Variants in COMMD10 observed in about 807,000 individuals in gnomAD.
COMMD10 encodes COMM domain containing 10.
COMMD10 carries 33 observed loss-of-function variants against 28.9 expected under a neutral mutation model. The observed-to-expected ratio is 1.14, with a 90% CI of 0.87 to 1.53. COMMD10 has a LOEUF of 1.53. Ranked by LOEUF, COMMD10 falls within the 40% of genes most tolerant of loss-of-function variation. The pLI is 0.00. For synonymous variants in COMMD10, 110 were observed against 81.7 expected, an observed-to-expected ratio of 1.35 and a Z score of -1.87; for missense variants, 310 against 233.4, an observed-to-expected ratio of 1.33 and a Z score of -2.14.
chr5:116,206,405 C>T (rs140679510), intron 5 of COMMD10, among the ~76,000 whole-genome samples: 1 of 152,134 alleles, frequency 6.6e-6, no homozygotes, highest in Non-Finnish European at 1.5e-5. Context: ...AATCCCAGCA[C>T]TTTGGGAGGC....
At chr5:116,109,142 G>A (rs899947737) in intron 4 of COMMD10, among the ~76,000 whole-genome samples, 2 of 152,160 alleles carry the variant, frequency 1.3e-5, no homozygotes, top group Admixed American at 1.3e-4. Flanking sequence ...TTTCTTTTTG[G>A]CCGTCTTGCC....
At chr5:116,269,193 A>G (rs965300555) in intron 5 of COMMD10, among the ~76,000 whole-genome samples, 1 of 151,900 alleles carries the variant, frequency 6.6e-6, no homozygotes, top group African/African-American at 2.4e-5. Context: ...AACAACTGAC[A>G]CAAACAAAAC....
At chr5:116,212,522 G>GTGTGTGTGTGTGTGTGTGTGTA (rs71223098) in intron 5 of COMMD10, among the ~76,000 whole-genome samples, 10,061 of 131,518 alleles carry the variant, frequency 0.076, 983 homozygotes, top group Middle Eastern at 0.12. Flanking sequence ...GTGTGTGTGT[G>GTGTGTGTGTGTGTGTGTGTGTA]TAGAATGTGA....
chr5:116,283,696 A>T (rs565967540), intron 5 of COMMD10, among the ~76,000 whole-genome samples: 4 of 151,652 alleles, frequency 2.6e-5, no homozygotes, highest in South Asian at 2.1e-4. Flanking sequence ...ACCAAATCTG[A>T]TCAATGTTTC....
chr5:116,241,600 T>G (rs1484144888), intron 5 of COMMD10, among the ~76,000 whole-genome samples: 1 of 148,914 alleles, frequency 6.7e-6, no homozygotes, highest in African/African-American at 2.5e-5. Flanking sequence ...ATTTATTTAT[T>G]TATTTATTTA....
chr5:116,143,068 G>GC (rs757604393), intron 5 of COMMD10, among the ~76,000 whole-genome samples: 1 of 91,498 alleles, frequency 1.1e-5, no homozygotes, highest in South Asian at 3.7e-4. Flanking sequence ...GTGTGTTTTT[G>GC]GTTTTTTTTT....
Position 116,225,236 on chromosome 5 carries a change from C to CT in COMMD10, c.511-66275dup, listed in dbSNP as rs1749361388. Among the ~76,000 whole-genome samples, 2 of 151,306 alleles carry CT rather than the reference C, an allele frequency of 1.3e-5. 1 individual carries two copies. The highest frequency in any genetic ancestry group is 4.2e-4 in the South Asian group (2 of 4,816). The stretch of plus-strand genomic sequence containing the variant: ...AGTTCTTTGAATATATTTATAATAG[C>CT]TTTTTTGAATTACTTTACTTGCTAA... On this transcript the variant is annotated intron_variant, in intron 5 of 6. Transcript: ENST00000274458.
At chr5:116,284,302 G>T (rs577306757) in intron 5 of COMMD10, among the ~76,000 whole-genome samples, 1 of 151,516 alleles carries the variant, frequency 6.6e-6, no homozygotes, top group African/African-American at 2.4e-5. Context: ...TAAAAACTAC[G>T]CACAGTATCA....
At position 116,197,211 on chromosome 5, in the gene COMMD10, T is replaced by A. The variant is rs150742524; in HGVS notation, c.510+63033T>A. ...GAAGAGACTGTAAAGTTCATTTCAT[T>A]CATTCAGCATCCATTTGGTGGTAGT... On this transcript the variant is annotated intron_variant, in intron 5 of 6. Coordinates refer to ENST00000274458, the MANE Select transcript of COMMD10 (RefSeq NM_016144.4). 2.6e-5 allele frequency among the ~76,000 whole-genome samples: 4 copies of A among 152,308 alleles called. No individual in the cohort carries two copies. In the East Asian group the frequency reaches 7.7e-4, roughly 29 times the overall value.
At chr5:116,135,668 G>T (rs920347831) in intron 5 of COMMD10, among the ~76,000 whole-genome samples, 2 of 152,092 alleles carry the variant, frequency 1.3e-5, no homozygotes, top group African/African-American at 4.8e-5. Flanking sequence ...TGTTGTAGTT[G>T]TTCTATTTTA....
chr5:116,196,125 A>C (rs1748513549), intron 5 of COMMD10, among the ~76,000 whole-genome samples: 1 of 152,234 alleles, frequency 6.6e-6, no homozygotes, highest in Non-Finnish European at 1.5e-5. Context: ...TGAAAAAGAC[A>C]CTTGCAAACA....
At chr5:116,215,050 T>TA (rs1749061536) in intron 5 of COMMD10, among the ~76,000 whole-genome samples, 1 of 152,098 alleles carries the variant, frequency 6.6e-6, no homozygotes, top group African/African-American at 2.4e-5. Flanking sequence ...GTGTTTTTCC[T>TA]AAAAAGTAAT....
intron 4 of COMMD10, among the ~76,000 whole-genome samples, chr5:116,110,536 C>T (rs1208996714): frequency 6.6e-6 from 1 of 152,202 alleles, no homozygotes; most frequent in Non-Finnish European, 1.5e-5. Flanking sequence ...TTTAATCTCA[C>T]TACCCATTAT....
At chr5:116,152,931 G>T (rs890673373) in intron 5 of COMMD10, among the ~76,000 whole-genome samples, 1 of 152,066 alleles carries the variant, frequency 6.6e-6, no homozygotes, top group Non-Finnish European at 1.5e-5. Context: ...TTTATAGGTA[G>T]CTTTGTGAGT....
chr5:116,240,744 C>T (rs1749788506), intron 5 of COMMD10, among the ~76,000 whole-genome samples: 2 of 152,132 alleles, frequency 1.3e-5, no homozygotes, highest in South Asian at 4.1e-4. Flanking sequence ...TTACTTAGGT[C>T]AACTAGAGTA....
intron 4 of COMMD10, among the ~76,000 whole-genome samples, chr5:116,104,672 T>A (rs1253262112): frequency 2.0e-5 from 3 of 151,718 alleles, no homozygotes; most frequent in African/African-American, 7.3e-5. Context: ...CAGGCTGGAG[T>A]GCAGTGGCAC....
chr5:116,112,626 C>T (rs1751088911), intron 4 of COMMD10, among the ~76,000 whole-genome samples: 1 of 152,114 alleles, frequency 6.6e-6, no homozygotes, highest in Admixed American at 6.5e-5. Context: ...TATCTCTTCA[C>T]CTCATTATCC....
At chr5:116,098,027 C>A (rs900227843) in intron 4 of COMMD10, among the ~76,000 whole-genome samples, 7 of 152,088 alleles carry the variant, frequency 4.6e-5, no homozygotes, top group African/African-American at 1.7e-4. Flanking sequence ...TGTCACATAC[C>A]TTTTAAAAGT....
At chr5:116,201,095 T>C (rs929705499) in intron 5 of COMMD10, among the ~76,000 whole-genome samples, 4 of 152,150 alleles carry the variant, frequency 2.6e-5, no homozygotes, top group African/African-American at 9.7e-5. Context: ...GTTGGGTATT[T>C]TCTTTCTCCC....
Sources: allele counts gnomAD v4.1 joint callset (sites outside exome capture counted in the v4.1 genomes callset), GRCh38; gene constraint gnomAD v4.1.1; transcripts MANE v1.5; gene names NCBI Gene and HGNC (gene_info 2026-07-23, HGNC 2026-07-21).